The following LMO3 variants were observed in gnomAD, a reference collection of about 807,000 sequenced individuals.
LMO3 encodes the protein LIM domain only protein 3.
A neutral mutation model predicts 15.8 loss-of-function variants in LMO3; 2 were observed. That is an observed-to-expected ratio of 0.13 (90% CI 0.05 to 0.40). LMO3 has a LOEUF of 0.40. Among genes scored for constraint, LMO3 ranks in the 10% least tolerant of loss-of-function variants. The pLI, the probability that LMO3 is intolerant of heterozygous loss-of-function variation, is 0.99. For synonymous variants in LMO3, 62 were observed against 63.8 expected, an observed-to-expected ratio of 0.97 and a Z score of 0.13; for missense variants, 86 against 182.2, an observed-to-expected ratio of 0.47 and a Z score of 3.04.
intron 2 of LMO3, among the ~76,000 whole-genome samples, chr12:16,562,602 C>T (rs1307186466): frequency 6.6e-6 from 1 of 152,192 alleles, no homozygotes; most frequent in Non-Finnish European, 1.5e-5. Context: ...CTACATTAAC[C>T]ACTGGGACCT....
chr12:16,559,450 GTGTT>G lies in LMO3; in HGVS notation c.332+959_332+962del, dbSNP rs111284507. ...AAAACCTGAGGTCCAGAGAGGGAAG[GTGTT>G]TGTTTGGTTTAAGATCGCACAGCTT... On this transcript the variant is annotated intron_variant, in intron 3 of 3. Transcript: ENST00000537304. This position sits in a 1 kb window ranked among gnomAD's most constrained non-coding sequence, Gnocchi z 4.1. Among the ~76,000 whole-genome samples the G allele has an allele frequency of 0.07, 10,726 of 152,152 alleles. 1,024 individuals are homozygous for G. Among genetic ancestry groups the G allele is most frequent in the African/African-American group, 0.22 (8,965 of 41,442 alleles).
chr12:16,557,283 A>C (rs1335284250), intron 3 of LMO3, among the ~76,000 whole-genome samples: 2 of 152,156 alleles, frequency 1.3e-5, no homozygotes, highest in Non-Finnish European at 1.5e-5. Flanking sequence ...AAAAGAAGGA[A>C]TACCAAAGGA....
Position 16,585,728 on chromosome 12 carries a change from G to A in LMO3, c.206+14927C>T, listed in dbSNP as rs142258700. ...GCAGCTCCAAATATAATAATAGAAA[G>A]GAAAATATGGGTGAGAAATTACAAA... On this transcript the variant is annotated intron_variant, in intron 2 of 3. Coordinates refer to ENST00000537304, the MANE Select transcript of LMO3 (RefSeq NM_018640.5). This position sits in a 1 kb window ranked among gnomAD's most constrained non-coding sequence, Gnocchi z 4.7. Among the ~76,000 whole-genome samples, 224 of 152,126 alleles carry A rather than the reference G, an allele frequency of 1.5e-3. No homozygotes were observed. Among genetic ancestry groups the A allele is most frequent in the African/African-American group, 4.8e-3 (201 of 41,500 alleles).
intron 2 of LMO3, among the ~76,000 whole-genome samples, chr12:16,577,588 T>A (rs1302465033): frequency 6.6e-6 from 1 of 152,158 alleles, no homozygotes; most frequent in Non-Finnish European, 1.5e-5. Context: ...ATTTCCCCTG[T>A]TCACAAAACG....
rs1441976060 is a variant in LMO3, at chr12:16,597,545, T to C, written c.206+3110A>G. 3.3e-5 allele frequency: 5 copies of C among 151,830 alleles called. No homozygotes were observed. The highest frequency in any genetic ancestry group is 4.4e-5 in the Non-Finnish European group (3 of 67,782). The allele number at this position is 151,830 out of a possible 1,614,324, so 9.4% of individuals were successfully genotyped here. A position where few individuals can be genotyped will look rare whatever the true frequency, so the allele number is the denominator to read the frequency against. On this transcript the variant is annotated intron_variant, in intron 2 of 3. Transcript: ENST00000537304. The surrounding 1 kb of genome is among the most constrained non-coding windows in gnomAD (Gnocchi z 5.0). ...AGTGTATTAAGAAGCTAAATGTAATTGGCAAAAATATTTTACTTTTCACTG... is the reference window on the plus strand; with the variant it reads ...AGTGTATTAAGAAGCTAAATGTAATCGGCAAAAATATTTTACTTTTCACTG...
rs1941911283 is a variant in LMO3 at position 16,549,575 on chromosome 12, G to A, written c.*1647C>T. The A allele has an allele frequency of 6.6e-6, 1 of 152,298 alleles. No homozygotes were observed. Among genetic ancestry groups the A allele is most frequent in the African/African-American group, 2.4e-5 (1 of 41,350 alleles). 9.4% of individuals were successfully genotyped at this position (152,298 alleles called of 1,614,324 possible). A position where few individuals can be genotyped will look rare whatever the true frequency, so the allele number is the denominator to read the frequency against. ...TTCATCTGTAATGCATATATTGGAAGGACAAAATATATATGCAAATAACAC... is the reference window on the plus strand; with the variant it reads ...TTCATCTGTAATGCATATATTGGAAAGACAAAATATATATGCAAATAACAC... On this transcript the variant is annotated 3_prime_UTR_variant, in exon 4 of 4. Coordinates refer to ENST00000537304, the MANE Select transcript of LMO3 (RefSeq NM_018640.5).
In LMO3 at chr12:16,555,811, A is replaced by C. The variant is rs1421262317; in HGVS notation, c.333-4484T>G. ...AATTTGCCTGAAAATTCCTTTCCTC[A>C]CTGCTCCCTGGCTCCCTCATCTTCC... On this transcript the variant is annotated intron_variant, in intron 3 of 3. Coordinates refer to ENST00000537304, the MANE Select transcript of LMO3 (RefSeq NM_018640.5). The surrounding 1 kb of genome is among the most constrained non-coding windows in gnomAD (Gnocchi z 5.5). Among the ~76,000 whole-genome samples, 1 of 151,912 alleles carries C rather than the reference A, an allele frequency of 6.6e-6. No homozygotes were observed. Among genetic ancestry groups the C allele is most frequent in the Admixed American group, 6.6e-5 (1 of 15,254 alleles).
Position 16,596,382 on chromosome 12 carries a change from G to A in LMO3, c.206+4273C>T, listed in dbSNP as rs148352270. Among the ~76,000 whole-genome samples, 1 of 151,476 alleles carries A rather than the reference G, an allele frequency of 6.6e-6. No homozygotes were observed. On this transcript the variant is annotated intron_variant, in intron 2 of 3. Coordinates refer to ENST00000537304, the MANE Select transcript of LMO3 (RefSeq NM_018640.5). This position sits in a 1 kb window ranked among gnomAD's most constrained non-coding sequence, Gnocchi z 4.3. ...AGACATTTTACAGCTTCTTATATAGGAAAAGCTATAAGCAGCTTCCATGGC... is the reference window on the plus strand; with the variant it reads ...AGACATTTTACAGCTTCTTATATAGAAAAAGCTATAAGCAGCTTCCATGGC...
intron 2 of LMO3, among the ~76,000 whole-genome samples, chr12:16,568,065 G>C (rs143681874): frequency 6.6e-6 from 1 of 152,198 alleles, no homozygotes; most frequent in Admixed American, 6.5e-5. Flanking sequence ...TACTACACTG[G>C]CAACAATAGA....
chr12:16,567,601 T>A (rs1419104332), intron 2 of LMO3: 3 of 152,218 alleles, frequency 2.0e-5, no homozygotes, highest in Non-Finnish European at 4.4e-5. Flanking sequence ...GAAGCCTCTA[T>A]GTGGTCAAGA....
intron 2 of LMO3, among the ~76,000 whole-genome samples, chr12:16,592,746 T>G (rs1449146465): frequency 6.6e-6 from 1 of 151,928 alleles, no homozygotes; most frequent in Non-Finnish European, 1.5e-5. Context: ...TTCTTCTATT[T>G]TTTGGTGAAA....
chr12:16,566,765 TATAA>T (rs1388542182), intron 2 of LMO3, among the ~76,000 whole-genome samples: 1 of 152,188 alleles, frequency 6.6e-6, no homozygotes, highest in Non-Finnish European at 1.5e-5. Flanking sequence ...AAGTTCAACG[TATAA>T]ATATATACAT....
At chr12:16,564,384 T>G (rs1316175195) in intron 2 of LMO3, among the ~76,000 whole-genome samples, 1 of 152,246 alleles carries the variant, frequency 6.6e-6, no homozygotes, top group Non-Finnish European at 1.5e-5. Context: ...GTTCAACAGC[T>G]TCGGCAACAT....
Position 16,598,756 on chromosome 12 carries a change from T to C in LMO3, c.206+1899A>G, listed in dbSNP as rs2137687211. 6.4e-6 allele frequency: 1 copy of C among 155,224 alleles called. No homozygotes were observed. Among genetic ancestry groups the C allele is most frequent in the South Asian group, 1.9e-4 (1 of 5,210 alleles). 9.6% of individuals were successfully genotyped at this position (155,224 alleles called of 1,614,324 possible). On this transcript the variant is annotated intron_variant, in intron 2 of 3. Coordinates refer to ENST00000537304, the MANE Select transcript of LMO3 (RefSeq NM_018640.5). This position sits in a 1 kb window ranked among gnomAD's most constrained non-coding sequence, Gnocchi z 4.3. ...ATCTAAGATTACTGTCTTTGCTCGATGCTATGTTGACAGCTAAGAAGCATG... is the reference window on the plus strand; with the variant it reads ...ATCTAAGATTACTGTCTTTGCTCGACGCTATGTTGACAGCTAAGAAGCATG...
chr12:16,571,747 A>G (rs1332647062), intron 2 of LMO3, among the ~76,000 whole-genome samples: 1 of 152,062 alleles, frequency 6.6e-6, no homozygotes, highest in African/African-American at 2.4e-5. Context: ...ATGTAATTAT[A>G]AAATTCTGTG....
chr12:16,600,638 G>A lies in LMO3; in HGVS notation c.206+17C>T. 1 of 1,606,848 alleles carries A rather than the reference G, an allele frequency of 6.2e-7. No homozygotes were observed. Among genetic ancestry groups the A allele is most frequent in the African/African-American group, 1.3e-5 (1 of 74,894 alleles). On this transcript the variant is annotated intron_variant, in intron 2 of 3. Coordinates refer to ENST00000537304, the MANE Select transcript of LMO3 (RefSeq NM_018640.5). Reference sequence around the variant, plus strand: ...AAAGGCATCCAGTCATCACTGGTGTGCAAGGATAATTCCTACCTCAGATAG... The same window carrying A: ...AAAGGCATCCAGTCATCACTGGTGTACAAGGATAATTCCTACCTCAGATAG...
At chr12:16,565,544 T>G (rs1302480224) in intron 2 of LMO3, among the ~76,000 whole-genome samples, 1 of 152,112 alleles carries the variant, frequency 6.6e-6, no homozygotes, top group Non-Finnish European at 1.5e-5. Flanking sequence ...ATTATGAAAG[T>G]TAAAGAAAAG....
rs1230577030 is a variant in LMO3, at chr12:16,585,362, T to G, written c.206+15293A>C. ...ATATTTTTAAAAAGTGGATTAACTT[T>G]ATGTTAAACAATCACTTGGCCACAA... On this transcript the variant is annotated intron_variant, in intron 2 of 3. Transcript: ENST00000537304. The surrounding 1 kb of genome is among the most constrained non-coding windows in gnomAD (Gnocchi z 4.7). Among the ~76,000 whole-genome samples the G allele has an allele frequency of 6.6e-6, 1 of 152,222 alleles. No homozygotes were observed. The highest frequency in any genetic ancestry group is 1.5e-5 in the Non-Finnish European group (1 of 68,038).
Position 16,593,990 on chromosome 12 carries a change from T to A in LMO3, c.206+6665A>T. 1 of 656,742 alleles carries A rather than the reference T, an allele frequency of 1.5e-6. No homozygotes were observed. The highest frequency in any genetic ancestry group is 2.7e-5 in the South Asian group (1 of 37,004). The allele number at this position is 656,742 out of a possible 1,614,324, so 40.7% of individuals were successfully genotyped here. ...TTAGATATTTAAAATCACAAGGAAA[T>A]AAATTTAGGCATTCTGTAGTTTTAT... is the stretch of plus-strand genomic sequence containing the variant. On this transcript the variant is annotated intron_variant, in intron 2 of 3. Coordinates refer to ENST00000537304, the MANE Select transcript of LMO3 (RefSeq NM_018640.5). The surrounding 1 kb of genome is among the most constrained non-coding windows in gnomAD (Gnocchi z 4.2).
Sources: allele counts gnomAD v4.1 joint callset (sites outside exome capture counted in the v4.1 genomes callset), GRCh38; gene constraint gnomAD v4.1.1; non-coding constraint Gnocchi (gnomAD v3.1); transcripts MANE v1.5; gene names NCBI Gene and HGNC (gene_info 2026-07-23, HGNC 2026-07-21).